SLC1A1: variants seen among roughly 807,000 people sequenced by gnomAD.
The protein encoded by SLC1A1 is solute carrier family 1 member 1, also known as excitatory amino acid transporter 3.
Under a neutral mutation model 53.3 loss-of-function variants are expected in SLC1A1, and 43 were observed. The ratio of observed to expected loss-of-function variants is 0.81; its 90% CI spans 0.63 to 1.04. SLC1A1 has a LOEUF of 1.04. SLC1A1 is among the 50% of genes least tolerant of loss of function. The probability of loss-of-function intolerance (pLI) is 0.00; values close to 1 mark genes in which losing one functional copy is unlikely to be tolerated. For synonymous variants in SLC1A1, 307 were observed against 243.2 expected, an observed-to-expected ratio of 1.26 and a Z score of -2.44; for missense variants, 748 against 664.9, an observed-to-expected ratio of 1.12 and a Z score of -1.37.
intron 1 of SLC1A1, among the ~76,000 whole-genome samples, chr9:4,495,307 T>C (rs1563990184): frequency 1.3e-5 from 2 of 152,192 alleles, no homozygotes; most frequent in Admixed American, 1.3e-4. Flanking sequence ...CATTCATTCA[T>C]TTAACAGATA....
At chr9:4,547,016 G>A (rs1212558323) in intron 2 of SLC1A1, among the ~76,000 whole-genome samples, 3 of 152,202 alleles carry the variant, frequency 2.0e-5, no homozygotes, top group African/African-American at 7.2e-5. Context: ...AAAACTCGAG[G>A]TAAAACAGGT....
At chr9:4,492,773 G>A (rs1032366644) in intron 1 of SLC1A1, among the ~76,000 whole-genome samples, 2 of 151,780 alleles carry the variant, frequency 1.3e-5, no homozygotes, top group Non-Finnish European at 2.9e-5. Flanking sequence ...TCCAGCCTGG[G>A]CAACAAGAAT....
intron 1 of SLC1A1, among the ~76,000 whole-genome samples, chr9:4,498,629 A>G (rs1459726631): frequency 6.6e-6 from 1 of 151,942 alleles, no homozygotes; most frequent in Non-Finnish European, 1.5e-5. Flanking sequence ...CTGAAAAGTG[A>G]TGAAAACAGA....
At position 4,550,394 on chromosome 9, in the gene SLC1A1, T is replaced by C. The variant is rs1036599729; in HGVS notation, c.232+5687T>C. On this transcript the variant is annotated intron_variant, in intron 2 of 11. Coordinates refer to ENST00000262352, the MANE Select transcript of SLC1A1 (RefSeq NM_004170.6). ...ATCAGAGGTTTTCTACTACTTTTTGTTGGGAAAGGGTGGGAAGACAGGGTC... is the reference window on the plus strand; with the variant it reads ...ATCAGAGGTTTTCTACTACTTTTTGCTGGGAAAGGGTGGGAAGACAGGGTC... Among the ~76,000 whole-genome samples the C allele has an allele frequency of 5.3e-5, 8 of 152,140 alleles. 1 individual carries two copies. Among genetic ancestry groups the C allele is most frequent in the Admixed American group, 2.6e-4 (4 of 15,284 alleles).
intron 1 of SLC1A1, 39 bp downstream of exon 1, chr9:4,490,809 C>A (rs370531245): frequency 1.3e-6 from 2 of 1,547,616 alleles, no homozygotes; most frequent in African/African-American, 1.4e-5. Flanking sequence ...CGCACCCTCA[C>A]GCGCTCTCTG....
chr9:4,544,698 A>T lies in SLC1A1; in HGVS notation c.223A>T (p.Met75Leu), dbSNP rs185463968. The change falls in exon 2 of 12, where the codon ATG (methionine) becomes TTG (leucine). Residue 75 changes from methionine to leucine, a missense_variant. Met to Leu is a conservative substitution (Grantham distance 15). Coordinates refer to ENST00000262352, the MANE Select transcript of SLC1A1 (RefSeq NM_004170.6). ...CATTTTGCCATTAATTATATCCAGC[A>T]TGATTACAGGTACCTTGAGAAAACA... ...LIILPLIISS[M>L]ITGVAALDSN... The T allele has an allele frequency of 6.2e-7, 1 of 1,613,208 alleles. No homozygotes were observed. Among genetic ancestry groups the T allele is most frequent in the Non-Finnish European group, 8.5e-7 (1 of 1,179,288 alleles).
At chr9:4,584,888 T>C (rs991077593) in intron 11 of SLC1A1, among the ~76,000 whole-genome samples, 1 of 152,166 alleles carries the variant, frequency 6.6e-6, no homozygotes, top group Non-Finnish European at 1.5e-5. Flanking sequence ...CACATGCACA[T>C]GGTACATACT....
intron 10 of SLC1A1, among the ~76,000 whole-genome samples, chr9:4,582,137 AC>A (rs1272387365): frequency 6.6e-6 from 1 of 152,118 alleles, no homozygotes; most frequent in Non-Finnish European, 1.5e-5. Flanking sequence ...GGCATGTTGA[AC>A]CCTTGTTTCC....
intron 6 of SLC1A1, among the ~76,000 whole-genome samples, chr9:4,569,866 G>A (rs1402855195): frequency 2.0e-5 from 3 of 152,116 alleles, no homozygotes; most frequent in African/African-American, 7.2e-5. Context: ...GGCCCTGCTG[G>A]GCATTGGGAT....
At chr9:4,550,335 T>C (rs1266163781) in intron 2 of SLC1A1, among the ~76,000 whole-genome samples, 1 of 152,176 alleles carries the variant, frequency 6.6e-6, no homozygotes, top group Non-Finnish European at 1.5e-5. Flanking sequence ...ATGTTAGGAT[T>C]TCAAAATTTT....
chr9:4,551,799 C>CT (rs926483695), intron 2 of SLC1A1, among the ~76,000 whole-genome samples: 1 of 152,180 alleles, frequency 6.6e-6, no homozygotes, highest in African/African-American at 2.4e-5. Context: ...TTAAGTGCTC[C>CT]TTTCCCTAAG....
chr9:4,514,465 G>C (rs1821097766), intron 1 of SLC1A1, among the ~76,000 whole-genome samples: 1 of 152,208 alleles, frequency 6.6e-6, no homozygotes, highest in Non-Finnish European at 1.5e-5. Flanking sequence ...TGGTTATCTG[G>C]CTTGGGGACG....
intron 2 of SLC1A1, among the ~76,000 whole-genome samples, chr9:4,547,788 T>C (rs1466650021): frequency 6.6e-6 from 1 of 152,186 alleles, no homozygotes; most frequent in Non-Finnish European, 1.5e-5. Context: ...TATACATATG[T>C]ATACAAATTT....
intron 2 of SLC1A1, 77 bp downstream of exon 2, chr9:4,544,784 T>G: frequency 5.7e-6 from 7 of 1,219,298 alleles, no homozygotes; most frequent in Non-Finnish European, 8.4e-6. Flanking sequence ...GACTAGGTAA[T>G]TTATAAAGGA....
chr9:4,534,892 G>C (rs1218496636), intron 1 of SLC1A1, among the ~76,000 whole-genome samples: 1 of 152,112 alleles, frequency 6.6e-6, no homozygotes, highest in Non-Finnish European at 1.5e-5. Context: ...GGGATGCAAG[G>C]CTGGTTCAAC....
chr9:4,531,413 T>G (rs1816464447), intron 1 of SLC1A1, among the ~76,000 whole-genome samples: 1 of 152,204 alleles, frequency 6.6e-6, no homozygotes, highest in Non-Finnish European at 1.5e-5. Flanking sequence ...GATTATATCC[T>G]GCGCCTGGCT....
intron 1 of SLC1A1, among the ~76,000 whole-genome samples, chr9:4,511,566 T>TACAC (rs113277990): frequency 0.22 from 31,569 of 146,164 alleles, 3,630 homozygotes; most frequent in South Asian, 0.33. Flanking sequence ...TTAAGAATTC[T>TACAC]ACACACACAC....
chr9:4,490,885 GC>G (rs142132122), intron 1 of SLC1A1, 115 bp downstream of exon 1: 5 of 796,686 alleles, frequency 6.3e-6, no homozygotes, highest in Non-Finnish European at 1.0e-5. Flanking sequence ...GTCCCTCGAT[GC>G]CCCCTCGGCC....
Position 4,585,415 on chromosome 9 carries a change from G to C in SLC1A1, c.1432G>C (p.Glu478Gln). The change falls in exon 12 of 12, where the codon GAA (glutamate) becomes CAA (glutamine). Residue 478 changes from glutamate to glutamine, a missense_variant. Coordinates refer to ENST00000262352, the MANE Select transcript of SLC1A1 (RefSeq NM_004170.6). ...KELEQMDVSS[E>Q]VNIVNPFALE... ...GCTGGAGCAGATGGATGTTTCATCT[G>C]AAGTCAACATTGTGAATCCCTTTGC... 1.2e-6 allele frequency: 2 copies of C among 1,614,192 alleles called. No individual in the cohort carries two copies. Among genetic ancestry groups the C allele is most frequent in the Non-Finnish European group, 1.7e-6 (2 of 1,180,034 alleles).
Sources: gnomAD v4.1 joint callset for allele counts (sites outside exome capture counted in the v4.1 genomes callset) on GRCh38, gnomAD v4.1.1 for gene constraint, MANE v1.5 for transcripts, NCBI Gene and HGNC (gene_info 2026-07-23, HGNC 2026-07-21) for gene names.